The following ATP8B4 variants were observed in gnomAD, a reference collection of about 807,000 sequenced individuals.
The protein encoded by ATP8B4 is probable phospholipid-transporting ATPase IM.
ATP8B4 carries 133 observed loss-of-function variants against 145.6 expected under a neutral mutation model. The ratio of observed to expected loss-of-function variants is 0.91; its 90% CI spans 0.79 to 1.05. The LOEUF is 1.05. ATP8B4 is among the 50% of genes least tolerant of loss of function. The pLI, the probability that ATP8B4 is intolerant of heterozygous loss-of-function variation, is 0.00. For missense variants in ATP8B4, 1,458 were observed against 1,425.2 expected, an observed-to-expected ratio of 1.02 and a Z score of -0.37; for synonymous variants, 507 against 492.9, an observed-to-expected ratio of 1.03 and a Z score of -0.38.
intron 3 of ATP8B4, among the ~76,000 whole-genome samples, chr15:50,049,087 C>T (rs1248300443): frequency 6.6e-6 from 1 of 152,206 alleles, no homozygotes; most frequent in East Asian, 1.9e-4. Context: ...ACTGTTTTCG[C>T]ACAGGATCAT....
At chr15:49,939,967 G>C (rs7167467) in intron 14 of ATP8B4, among the ~76,000 whole-genome samples, 37,008 of 152,060 alleles carry the variant, frequency 0.24, 5,193 homozygotes, top group Non-Finnish European at 0.31. Flanking sequence ...AATTAGTTCA[G>C]CCACTGTGGA....
intron 13 of ATP8B4, among the ~76,000 whole-genome samples, chr15:49,969,125 G>A (rs575934413): frequency 6.6e-6 from 1 of 152,276 alleles, no homozygotes; most frequent in South Asian, 2.1e-4. Flanking sequence ...AGATAAAGCA[G>A]TGTTTAGAGG....
intron 1 of ATP8B4, among the ~76,000 whole-genome samples, chr15:50,156,328 G>C (rs72737035): frequency 0.092 from 13,849 of 151,346 alleles, 794 homozygotes; most frequent in Middle Eastern, 0.14. Context: ...CATTTATCTA[G>C]GCTTCTTTTC....
intron 6 of ATP8B4, among the ~76,000 whole-genome samples, chr15:50,018,366 T>C (rs1187803597): frequency 6.6e-6 from 1 of 152,170 alleles, no homozygotes; most frequent in Non-Finnish European, 1.5e-5. Flanking sequence ...CACTCTTATG[T>C]GTACAAAATG....
intron 1 of ATP8B4, among the ~76,000 whole-genome samples, chr15:50,171,648 T>C (rs2044675887): frequency 6.6e-6 from 1 of 151,826 alleles, no homozygotes; most frequent in Admixed American, 6.6e-5. Context: ...CTCAAGGAAC[T>C]AGAGAAACAA....
intron 6 of ATP8B4, among the ~76,000 whole-genome samples, chr15:50,014,380 G>C (rs911948976): frequency 6.6e-6 from 1 of 152,082 alleles, no homozygotes; most frequent in South Asian, 2.1e-4. Flanking sequence ...TTCACAGCAG[G>C]CACTCAGTAA....
intron 23 of ATP8B4, among the ~76,000 whole-genome samples, chr15:49,888,643 A>G (rs2036473962): frequency 6.6e-6 from 1 of 152,190 alleles, no homozygotes; most frequent in Non-Finnish European, 1.5e-5. Flanking sequence ...CTTTTAAAAT[A>G]AGTTACAGGT....
At chr15:50,081,648 G>A (rs2054565001) in intron 2 of ATP8B4, among the ~76,000 whole-genome samples, 1 of 152,190 alleles carries the variant, frequency 6.6e-6, no homozygotes, top group Non-Finnish European at 1.5e-5. Context: ...TGAACAATTT[G>A]TAACACCTTA....
At chr15:50,102,657 A>C (rs2056437623) in intron 2 of ATP8B4, among the ~76,000 whole-genome samples, 1 of 152,176 alleles carries the variant, frequency 6.6e-6, no homozygotes, top group South Asian at 2.1e-4. Flanking sequence ...AATGAATTCT[A>C]TCAGACATTC....
intron 9 of ATP8B4, among the ~76,000 whole-genome samples, chr15:49,991,932 C>T (rs1216026202): frequency 1.3e-5 from 2 of 152,112 alleles, no homozygotes; most frequent in Non-Finnish European, 2.9e-5. Flanking sequence ...AAGAGCTAAG[C>T]TCTTGTGCTA....
intron 1 of ATP8B4, among the ~76,000 whole-genome samples, chr15:50,110,965 T>C (rs1175479981): frequency 6.6e-6 from 1 of 152,226 alleles, no homozygotes. Flanking sequence ...AAAATAGTTT[T>C]CTAATGCAAG....
chr15:49,862,354 G>T lies in ATP8B4; in HGVS notation c.3188C>A (p.Thr1063Asn). 1 of 1,613,646 alleles carries T rather than the reference G, an allele frequency of 6.2e-7. No individual in the cohort carries two copies. The highest frequency in any genetic ancestry group is 8.5e-7 in the Non-Finnish European group (1 of 1,179,642). ...PFVGNARHSL[T>N]QKCIWLVILL... The stretch of plus-strand genomic sequence containing the variant: ...AATTACAAGCCAGATGCACTTCTGG[G>T]TCAGGGAATGTCGTGCATTACCTAT... The change falls in exon 27 of 28, where the codon ACC becomes AAC. Residue 1063 changes from threonine to asparagine, a missense_variant. Thr to Asn is a moderately conservative substitution (Grantham distance 65). Transcript: ENST00000284509.
At chr15:49,937,809 A>G (rs2041857342) in intron 14 of ATP8B4, among the ~76,000 whole-genome samples, 1 of 152,214 alleles carries the variant, frequency 6.6e-6, no homozygotes, top group Admixed American at 6.5e-5. Context: ...TCATTGATTA[A>G]TACACAATAC....
Position 49,978,650 on chromosome 15 carries a change from T to C in ATP8B4, c.1034+967A>G, listed in dbSNP as rs542947902. Among the ~76,000 whole-genome samples the C allele has an allele frequency of 2.0e-5, 3 of 152,048 alleles. No homozygotes were observed. In the South Asian group the frequency reaches 6.2e-4, roughly 32 times the overall value. ...CAAGTCCCATCTTAGCTCCAATGTT[T>C]TGGGGACAGTCTGGCTCAGCCTTGT... On this transcript the variant is annotated intron_variant, in intron 12 of 27. Coordinates refer to ENST00000284509, the MANE Select transcript of ATP8B4 (RefSeq NM_024837.4).
rs1303798175 is a variant in ATP8B4 at position 49,862,243 on chromosome 15, A to G, written c.3297+2T>C. 6.2e-7 allele frequency: 1 copy of G among 1,612,974 alleles called. No homozygotes were observed. The highest frequency in any genetic ancestry group is 1.3e-5 in the African/African-American group (1 of 74,892). On this transcript the variant is annotated splice_donor_variant, in intron 27 of 27. Transcript: ENST00000284509. LOFTEE classifies it high-confidence loss of function. ...CAAGTATTCATCAGCACTGTGACATACCTGATCACTCAGGGTTGGGTATAA... is the reference window on the plus strand; with the variant it reads ...CAAGTATTCATCAGCACTGTGACATGCCTGATCACTCAGGGTTGGGTATAA...
At chr15:50,009,870 C>T (rs1457042638) in intron 7 of ATP8B4, among the ~76,000 whole-genome samples, 1 of 152,104 alleles carries the variant, frequency 6.6e-6, no homozygotes, top group African/African-American at 2.4e-5. Flanking sequence ...TTGTGGTTAC[C>T]AGAGAAATAA....
At chr15:49,903,147 A>G (rs16963032) in intron 20 of ATP8B4, among the ~76,000 whole-genome samples, 12,591 of 152,190 alleles carry the variant, frequency 0.083, 559 homozygotes, top group African/African-American at 0.1. Flanking sequence ...TTGGGCTTTC[A>G]TATTTTTAGA....
At chr15:50,003,591 T>C (rs2048078067) in intron 7 of ATP8B4, among the ~76,000 whole-genome samples, 2 of 152,038 alleles carry the variant, frequency 1.3e-5, no homozygotes, top group Admixed American at 6.6e-5. Flanking sequence ...TTTCCCACAT[T>C]CAAATTTCAA....
chr15:49,981,115 G>T, intron 11 of ATP8B4, 91 bp downstream of exon 11: 1 of 1,098,634 alleles, frequency 9.1e-7, no homozygotes, highest in South Asian at 1.4e-5. Context: ...TCCACAAGGA[G>T]AATGTAGGCT....
Sources: allele counts gnomAD v4.1 joint callset (sites outside exome capture counted in the v4.1 genomes callset), GRCh38; gene constraint gnomAD v4.1.1; transcripts MANE v1.5; gene names NCBI Gene and HGNC (gene_info 2026-07-23, HGNC 2026-07-21).